Variants in VPS11 observed in about 807,000 individuals in gnomAD.
The protein encoded by VPS11 is vacuolar protein sorting-associated protein 11 homolog.
In VPS11, 51 loss-of-function variants were observed where a neutral mutation model predicts 106.8. That is an observed-to-expected ratio of 0.48 (90% CI 0.38 to 0.60). VPS11 has a LOEUF of 0.60. Among genes scored for constraint, VPS11 ranks in the 20% least tolerant of loss-of-function variants. The pLI is 0.00. For synonymous variants in VPS11, 453 were observed against 458.7 expected (o/e 0.99, Z 0.16); for missense variants, 950 against 1,190.0 (o/e 0.80, Z 2.97).
Position 119,077,574 on chromosome 11 carries a change from C to G in VPS11, c.1499C>G (p.Ser500Cys). 1 of 1,613,986 alleles carries G rather than the reference C, an allele frequency of 6.2e-7. No individual in the cohort carries two copies. The highest frequency in any genetic ancestry group is 1.6e-4 in the Middle Eastern group (1 of 6,062). The change falls in exon 9 of 16, where the codon TCC becomes TGC. Residue 500 changes from serine (S) to cysteine (C), a missense_variant. Around this residue, in one of 3 missense-constraint regions of VPS11, gnomAD observed 435 missense variants for 630.2 expected, o/e 0.69. Transcript: ENST00000621676. The stretch of plus-strand genomic sequence containing the variant: ...GTCCTCCGGCAGGCTGGCTACTACT[C>G]CCATGCCCTGTATCTGGCGGAGAAC... ...IKVLRQAGYY[S>C]HALYLAENHA...
intron 1 of VPS11, chr11:119,068,274 G>A (rs1945197979): frequency 2.5e-6 from 1 of 405,498 alleles, no homozygotes; most frequent in Non-Finnish European, 4.3e-6. Flanking sequence ...ATTTGACGAG[G>A]TTAATTTGAG....
chr11:119,076,249 G>A (rs999160065), intron 7 of VPS11, among the ~76,000 whole-genome samples: 10 of 148,390 alleles, frequency 6.7e-5, no homozygotes, highest in South Asian at 2.1e-4. Context: ...AAAAAAGGCC[G>A]GGTGTGGTGG....
chr11:119,071,726 ACTTGTACCAGC>A lies in VPS11; in HGVS notation c.770_780del (p.Leu257Ter). The stretch of plus-strand genomic sequence containing the variant: ...ATTGTGGCCGGGGATGAGTGTGTCT[ACTTGTACCAGC>A]CTGATGAACGTGGGCCCTGCTTCGC... On this transcript the variant is annotated frameshift_variant, in exon 5 of 16. Transcript: ENST00000621676. LOFTEE classifies it high-confidence loss of function. 2 of 1,613,954 alleles carry A rather than the reference ACTTGTACCAGC, an allele frequency of 1.2e-6. No homozygotes were observed. Among genetic ancestry groups the A allele is most frequent in the Non-Finnish European group, 1.7e-6 (2 of 1,179,888 alleles).
At position 119,081,611 on chromosome 11, in the gene VPS11, G is replaced by C; in HGVS notation, c.2814G>C (p.Arg938Ser). The C allele has an allele frequency of 6.2e-7, 1 of 1,613,906 alleles. No individual in the cohort carries two copies. The highest frequency in any genetic ancestry group is 8.5e-7 in the Non-Finnish European group (1 of 1,179,868). ...AACGCGACCTACTCATGCACTCCAG[G>C]AGGGGCACTTAAGCAGCCTGGAGGA... ...GLQRDLLMHS[R>S]RGT Residue 938 changes from arginine to serine, a missense_variant, in exon 16 of 16, where the codon AGG becomes AGC. Physicochemically the swap from Arg to Ser is moderately radical, Grantham distance 110. Around this residue, in one of 3 missense-constraint regions of VPS11, gnomAD observed 453 missense variants for 514.6 expected, o/e 0.88. Coordinates refer to ENST00000621676, the MANE Select transcript of VPS11 (RefSeq NM_021729.6).
chr11:119,076,673 C>T, intron 7 of VPS11: 3 of 489,414 alleles, frequency 6.1e-6, no homozygotes, highest in South Asian at 4.0e-5. Context: ...TATTTTTAGC[C>T]AAATTTAAGA....
chr11:119,070,942 T>TTTTTTTTC, intron 4 of VPS11, among the ~76,000 whole-genome samples: 1 of 141,238 alleles, frequency 7.1e-6, no homozygotes, highest in African/African-American at 2.7e-5. Context: ...TTTTTTTTTT[T>TTTTTTTTC]CTTTGAGACA....
intron 6 of VPS11, 110 bp downstream of exon 6, chr11:119,073,509 C>T: frequency 7.6e-7 from 1 of 1,315,792 alleles, no homozygotes; most frequent in Non-Finnish European, 1.0e-6. Flanking sequence ...GGGTCACAGC[C>T]TTACTCAGCT....
In VPS11 at chr11:119,081,777, C is replaced by G. The variant is rs143645369; in HGVS notation, c.*154C>G. On this transcript the variant is annotated 3_prime_UTR_variant, in exon 16 of 16. Transcript: ENST00000621676. ...TCAGAACTAAAGCGGACTTTCTTTC[C>G]CTGCCTTCTTATTTAGTCAGCTTGC... is the stretch of plus-strand genomic sequence containing the variant. The G allele has an allele frequency of 4.8e-6, 5 of 1,036,624 alleles. No homozygotes were observed. The highest frequency in any genetic ancestry group is 6.8e-6 in the Non-Finnish European group (5 of 732,474). 64.2% of individuals were successfully genotyped at this position (1,036,624 alleles called of 1,614,324 possible).
In VPS11 at chr11:119,078,341, C is replaced by A. The variant is rs1945714672; in HGVS notation, c.1923+7C>A. On this transcript the variant is annotated splice_region_variant and intron_variant, in intron 11 of 15. Transcript: ENST00000621676. ...CCACGAGAAGGATCCACAGGTGAGG[C>A]CTGGCCAGGGCTTCAGGAGAAAAGA... 1 of 1,608,374 alleles carries A rather than the reference C, an allele frequency of 6.2e-7. No homozygotes were observed. The highest frequency in any genetic ancestry group is 8.5e-7 in the Non-Finnish European group (1 of 1,179,694).
At chr11:119,076,765 A>G in intron 7 of VPS11, 132 bp from the exon 8 acceptor site, 3 of 1,058,788 alleles carry the variant, frequency 2.8e-6, no homozygotes, top group Non-Finnish European at 4.1e-6. Context: ...TTAGAAATGT[A>G]GAATCTCAGG....
At position 119,076,526 on chromosome 11, in the gene VPS11, C is replaced by CA. The variant is rs59390452; in HGVS notation, c.1239-358dup. 2.6e-3 allele frequency among the ~76,000 whole-genome samples: 317 copies of CA among 123,170 alleles called. 1 individual carries two copies. The highest frequency in any genetic ancestry group is 0.013 in the Middle Eastern group (3 of 240). 80.8% of individuals were successfully genotyped at this position (123,170 alleles called of 152,430 possible). A position where few individuals can be genotyped will look rare whatever the true frequency, so the allele number is the denominator to read the frequency against. On this transcript the variant is annotated intron_variant, in intron 7 of 15. Transcript: ENST00000621676. ...GGGCAACAGGAGCGAACCTCCCTCT[C>CA]AAAAAAAAAAAAATTAATTAAATTT...
intron 3 of VPS11, among the ~76,000 whole-genome samples, chr11:119,070,028 A>AAATAAATAAATAAAAT (rs375064434): frequency 1.1e-4 from 3 of 28,098 alleles, no homozygotes; most frequent in Non-Finnish European, 8.7e-5. Flanking sequence ...ATAAATAAAT[A>AAATAAATAAATAAAAT]AAATAAATAA....
At chr11:119,073,745 A>G (rs1224159464) in intron 6 of VPS11, 55 bp from the exon 7 acceptor site, 4 of 1,573,404 alleles carry the variant, frequency 2.5e-6, no homozygotes, top group African/African-American at 1.4e-5. Context: ...ACATTTTGGG[A>G]AAGTGTCTTC....
Position 119,081,721 on chromosome 11 carries a change from A to G in VPS11, c.*98A>G. On this transcript the variant is annotated 3_prime_UTR_variant, in exon 16 of 16. Transcript: ENST00000621676. ...ACACAGAAGGCTGGCTGACATGCCC[A>G]GGGCTCCACTCTCATCTAATGTCAC... 8.9e-6 allele frequency: 13 copies of G among 1,460,122 alleles called. No individual in the cohort carries two copies. The highest frequency in any genetic ancestry group is 1.4e-5 in the African/African-American group (1 of 71,046). The allele number at this position is 1,460,122 out of a possible 1,614,324, so 90.4% of individuals were successfully genotyped here.
intron 7 of VPS11, among the ~76,000 whole-genome samples, chr11:119,075,542 T>TA (rs1555202802): frequency 0.039 from 4,314 of 111,448 alleles, 242 homozygotes; most frequent in African/African-American, 0.14. Context: ...CTGTCTCCAC[T>TA]AAAAAAAAAA....
chr11:119,074,497 G>A (rs190094594), intron 7 of VPS11, among the ~76,000 whole-genome samples: 43 of 151,364 alleles, frequency 2.8e-4, no homozygotes, highest in Non-Finnish European at 5.5e-4. Flanking sequence ...CCTCTGCCTC[G>A]GGTTCAAGCA....
At chr11:119,071,975 TG>T in intron 5 of VPS11, 132 bp downstream of exon 5, 3 of 1,276,356 alleles carry the variant, frequency 2.4e-6, no homozygotes, top group African/African-American at 1.8e-5. Flanking sequence ...GTAACATTTC[TG>T]TTTTTTTTTT....
rs782716400 is a variant in VPS11 at position 119,081,125 on chromosome 11, C to A, written c.2472C>A (p.Ile824=). 6.2e-7 allele frequency: 1 copy of A among 1,614,084 alleles called. No individual in the cohort carries two copies. The highest frequency in any genetic ancestry group is 8.5e-7 in the Non-Finnish European group (1 of 1,179,908). ...TTTTCCAAAAGACCAAGTGCAGCATCTGTAACAGTGCCTTGGAGTTGCCCT... is the reference window on the plus strand; with the variant it reads ...TTTTCCAAAAGACCAAGTGCAGCATATGTAACAGTGCCTTGGAGTTGCCCT... ...PKIFQKTKCS[I]CNSALELPSV... Residue 824 remains isoleucine, a synonymous_variant, in exon 15 of 16, where the codon ATC becomes ATA. Transcript: ENST00000621676.
chr11:119,077,735 C>A (rs892745993), intron 9 of VPS11, 88 bp downstream of exon 9: 2 of 1,537,470 alleles, frequency 1.3e-6, no homozygotes, highest in Non-Finnish European at 1.8e-6. Flanking sequence ...AGGTGATCCT[C>A]CCACCCCATC....
Sources: gnomAD v4.1 joint callset for allele counts (sites outside exome capture counted in the v4.1 genomes callset) on GRCh38, gnomAD v4.1.1 for gene constraint, gnomAD v4.1.1 regional missense constraint, MANE v1.5 for transcripts, NCBI Gene and HGNC (gene_info 2026-07-23, HGNC 2026-07-21) for gene names.